The following TDRD3 variants were observed in gnomAD, a reference collection of about 807,000 sequenced individuals.
TDRD3 encodes tudor domain containing 3.
Under a neutral mutation model 86.7 loss-of-function variants are expected in TDRD3, and 45 were observed. The ratio of observed to expected loss-of-function variants is 0.52; its 90% CI spans 0.41 to 0.67. The LOEUF is 0.67. Ranked by LOEUF, TDRD3 falls within the 30% of genes least tolerant of loss-of-function variation. The pLI is 0.00. For synonymous variants in TDRD3, 298 were observed against 301.7 expected (o/e 0.99, Z 0.13); for missense variants, 814 against 889.0 (o/e 0.92, Z 1.07).
intron 13 of TDRD3, among the ~76,000 whole-genome samples, chr13:60,572,926 T>C (rs1480385647): frequency 6.6e-6 from 1 of 152,070 alleles, no homozygotes; most frequent in African/African-American, 2.4e-5. Context: ...CAGGTGAGGA[T>C]TATAGTACCC....
At chr13:60,464,441 G>A (rs1955870545) in intron 4 of TDRD3, among the ~76,000 whole-genome samples, 2 of 152,222 alleles carry the variant, frequency 1.3e-5, no homozygotes, top group Middle Eastern at 6.8e-3. Flanking sequence ...TATTGAGGAA[G>A]CATCTGCACT....
chr13:60,440,420 C>T (rs955368210), intron 2 of TDRD3, among the ~76,000 whole-genome samples: 4 of 151,896 alleles, frequency 2.6e-5, no homozygotes, highest in African/African-American at 7.3e-5. Context: ...TGGTGGCCCA[C>T]GCCTGTAATC....
chr13:60,485,458 A>G (rs1236848634), intron 6 of TDRD3, among the ~76,000 whole-genome samples: 1 of 152,082 alleles, frequency 6.6e-6, no homozygotes, highest in African/African-American at 2.4e-5. Flanking sequence ...AACCAAATTT[A>G]TGTCTTATTG....
chr13:60,526,346 A>G (rs931048936), intron 10 of TDRD3, among the ~76,000 whole-genome samples: 8 of 152,302 alleles, frequency 5.3e-5, no homozygotes, highest in African/African-American at 2.4e-5. Flanking sequence ...TATGTAATAC[A>G]TAGCAGATAA....
At chr13:60,419,263 T>C (rs575266434) in intron 1 of TDRD3, among the ~76,000 whole-genome samples, 4 of 152,250 alleles carry the variant, frequency 2.6e-5, no homozygotes, top group Non-Finnish European at 4.4e-5. Flanking sequence ...TGAAATGGTA[T>C]CTCATTGTGG....
In TDRD3 at chr13:60,544,093, C is replaced by G. The variant is rs551429201; in HGVS notation, c.2118+8860C>G. Among the ~76,000 whole-genome samples the G allele has an allele frequency of 7.3e-5, 11 of 151,272 alleles. No homozygotes were observed. The South Asian group carries it at 1.0e-3, about 14-fold the overall frequency. The stretch of plus-strand genomic sequence containing the variant: ...CACAATAACCTAGTCTAAGCCAAAA[C>G]CTGAAATTCCTTTTTTTTTAAATTT... On this transcript the variant is annotated intron_variant, in intron 12 of 13. Transcript: ENST00000377881.
chr13:60,400,059 A>G (rs1034573142), intron 1 of TDRD3, among the ~76,000 whole-genome samples: 6 of 152,226 alleles, frequency 3.9e-5, no homozygotes, highest in African/African-American at 7.2e-5. Flanking sequence ...CACACAAACT[A>G]TTAGATTTTG....
At position 60,483,834 on chromosome 13, in the gene TDRD3, G is replaced by T. The variant is rs750349832; in HGVS notation, c.555G>T (p.Val185=). ...IGTEGGPPPF[V]PFGQKCVSHV... The stretch of plus-strand genomic sequence containing the variant: ...CTGAAGGTGGACCACCGCCTTTTGT[G>T]CCTTTTGGACAGGTAATGACTTTTG... Residue 185 remains valine, a synonymous_variant, in exon 6 of 14, where the codon GTG becomes GTT. Coordinates refer to ENST00000377881, the MANE Select transcript of TDRD3 (RefSeq NM_001146070.2). 6.2e-7 allele frequency: 1 copy of T among 1,613,260 alleles called. No individual in the cohort carries two copies. Among genetic ancestry groups the T allele is most frequent in the Non-Finnish European group, 8.5e-7 (1 of 1,179,500 alleles).
At chr13:60,427,447 A>T (rs2047224) in intron 1 of TDRD3, among the ~76,000 whole-genome samples, 68,239 of 151,800 alleles carry the variant, frequency 0.45, 15,804 homozygotes, top group South Asian at 0.54. Context: ...TTTCGTTTCT[A>T]ATGCAGCAGC....
At chr13:60,434,279 C>T (rs911595947) in intron 1 of TDRD3, among the ~76,000 whole-genome samples, 1 of 151,924 alleles carries the variant, frequency 6.6e-6, no homozygotes, top group African/African-American at 2.4e-5. Flanking sequence ...AGACCAGCCT[C>T]TGCAACATGG....
upstream of TDRD3, among the ~76,000 whole-genome samples, chr13:60,396,206 TC>T (rs2089336057): frequency 6.6e-6 from 1 of 152,152 alleles, no homozygotes; most frequent in South Asian, 2.1e-4. Context: ...GGGATTAAGT[TC>T]CTAACAGTCT....
At chr13:60,457,443 A>T (rs1955703756) in intron 3 of TDRD3, among the ~76,000 whole-genome samples, 1 of 152,238 alleles carries the variant, frequency 6.6e-6, no homozygotes, top group Non-Finnish European at 1.5e-5. Flanking sequence ...GTAGGCTTGT[A>T]CACTCACTCG....
At chr13:60,439,613 A>C in intron 1 of TDRD3, 75 bp from the exon 2 acceptor site, 1 of 1,174,566 alleles carries the variant, frequency 8.5e-7, no homozygotes, top group Non-Finnish European at 1.2e-6. Flanking sequence ...TAGAAAACAA[A>C]ATTGCATGTA....
At chr13:60,397,800 G>A (rs1953973762) in intron 1 of TDRD3, among the ~76,000 whole-genome samples, 2 of 152,044 alleles carry the variant, frequency 1.3e-5, no homozygotes, top group East Asian at 1.9e-4. Flanking sequence ...GGGATCGGGA[G>A]GCGAGGGCTG....
intron 8 of TDRD3, among the ~76,000 whole-genome samples, chr13:60,503,175 A>G (rs1363429697): frequency 6.6e-6 from 1 of 152,198 alleles, no homozygotes; most frequent in Non-Finnish European, 1.5e-5. Context: ...TTTGCTTGAT[A>G]CTTGTGAACA....
chr13:60,456,227 C>A (rs1369212462), intron 3 of TDRD3, among the ~76,000 whole-genome samples: 3 of 152,110 alleles, frequency 2.0e-5, no homozygotes, highest in African/African-American at 4.8e-5. Context: ...ACTTTGGAGT[C>A]TGATTGATAG....
chr13:60,571,680 A>G (rs796961493), intron 13 of TDRD3, among the ~76,000 whole-genome samples: 28 of 152,194 alleles, frequency 1.8e-4, no homozygotes, highest in African/African-American at 6.3e-4. Flanking sequence ...TAATTTGCAC[A>G]TTCTTTGATT....
intron 1 of TDRD3, among the ~76,000 whole-genome samples, chr13:60,412,654 G>A (rs1349774058): frequency 6.6e-6 from 1 of 151,940 alleles, no homozygotes; most frequent in African/African-American, 2.4e-5. Flanking sequence ...ATTAGTATTT[G>A]TTTTGAATTG....
intron 4 of TDRD3, among the ~76,000 whole-genome samples, chr13:60,461,786 ATTAC>A (rs1438194437): frequency 6.6e-6 from 1 of 152,152 alleles, no homozygotes; most frequent in Non-Finnish European, 1.5e-5. Context: ...AGTCTCAAAA[ATTAC>A]TTCTGCCTGG....
Sources: gnomAD v4.1 joint callset for allele counts (sites outside exome capture counted in the v4.1 genomes callset) on GRCh38, gnomAD v4.1.1 for gene constraint, MANE v1.5 for transcripts, NCBI Gene and HGNC (gene_info 2026-07-23, HGNC 2026-07-21) for gene names.